EYS: variants seen among roughly 807,000 people sequenced by gnomAD.
EYS encodes the protein protein eyes shut homolog.
In EYS, 250 loss-of-function variants were observed where a neutral mutation model predicts 282.1. The observed-to-expected ratio is 0.89, with a 90% CI of 0.80 to 0.98. The LOEUF (loss-of-function observed/expected upper bound fraction) is 0.98, where lower values mean the gene tolerates loss of function less well. EYS is among the 50% of genes least tolerant of loss of function. EYS has a pLI of 0.00. For missense variants in EYS, 4,016 were observed against 3,709.0 expected (o/e 1.08, Z -2.15); for synonymous variants, 1,355 against 1,282.9 (o/e 1.06, Z -1.20).
At chr6:64,415,878 T>G (rs1774045541) in intron 28 of EYS, among the ~76,000 whole-genome samples, 1 of 152,226 alleles carries the variant, frequency 6.6e-6, no homozygotes, top group Non-Finnish European at 1.5e-5. Context: ...TATAGTAGTA[T>G]TTCTCTTTCT....
At chr6:64,304,418 CACA>C (rs1054624708) in intron 30 of EYS, among the ~76,000 whole-genome samples, 3 of 152,148 alleles carry the variant, frequency 2.0e-5, no homozygotes, top group Non-Finnish European at 4.4e-5. Flanking sequence ...GAGGACTTAA[CACA>C]ACAAACCAAC....
chr6:64,879,777 A>T (rs943307940), intron 19 of EYS, among the ~76,000 whole-genome samples: 1 of 152,112 alleles, frequency 6.6e-6, no homozygotes, highest in East Asian at 1.9e-4. Flanking sequence ...AGGAAAGAGT[A>T]AGAAAACATA....
At chr6:63,912,508 T>C (rs1764281642) in intron 35 of EYS, among the ~76,000 whole-genome samples, 1 of 152,306 alleles carries the variant, frequency 6.6e-6, no homozygotes, top group Non-Finnish European at 1.5e-5. Flanking sequence ...ATGTCCAGTG[T>C]GTATTTTACA....
intron 33 of EYS, among the ~76,000 whole-genome samples, chr6:64,051,836 T>C (rs1770819283): frequency 6.6e-6 from 1 of 152,092 alleles, no homozygotes; most frequent in South Asian, 2.1e-4. Flanking sequence ...TTATATATAA[T>C]AGGAAGTAAA....
chr6:65,073,155 T>C (rs931888693), intron 12 of EYS, among the ~76,000 whole-genome samples: 1 of 151,744 alleles, frequency 6.6e-6, no homozygotes, highest in Non-Finnish European at 1.5e-5. Flanking sequence ...CCTTTGGGCA[T>C]GTAGCAGATA....
At chr6:65,485,961 G>A (rs1194952546) in intron 5 of EYS, among the ~76,000 whole-genome samples, 1 of 152,146 alleles carries the variant, frequency 6.6e-6, no homozygotes, top group Non-Finnish European at 1.5e-5. Flanking sequence ...GACAATATTG[G>A]TAGTGCCATT....
chr6:64,103,257 C>G (rs2150260431), intron 31 of EYS, among the ~76,000 whole-genome samples: 1 of 152,152 alleles, frequency 6.6e-6, no homozygotes, highest in African/African-American at 2.4e-5. Flanking sequence ...ATGTTATAAA[C>G]TAACATGAAT....
intron 30 of EYS, among the ~76,000 whole-genome samples, chr6:64,297,546 A>G (rs1769075810): frequency 6.6e-6 from 1 of 152,252 alleles, no homozygotes; most frequent in Non-Finnish European, 1.5e-5. Context: ...CTTTTCACAT[A>G]CAAGGATCCC....
At chr6:64,525,071 T>C (rs968554939) in intron 26 of EYS, among the ~76,000 whole-genome samples, 1 of 151,808 alleles carries the variant, frequency 6.6e-6, no homozygotes, top group African/African-American at 2.4e-5. Context: ...CATATACTGT[T>C]GGTGGGAGTG....
intron 30 of EYS, among the ~76,000 whole-genome samples, chr6:64,288,653 C>T (rs1178513088): frequency 6.6e-6 from 1 of 152,066 alleles, no homozygotes; most frequent in East Asian, 1.9e-4. Context: ...TTTTCCTTTT[C>T]TCTCTTGTGC....
At position 65,112,776 on chromosome 6, in the gene EYS, AC is replaced by A. The variant is rs1479624869; in HGVS notation, c.2024-55050del. 4.6e-5 allele frequency among the ~76,000 whole-genome samples: 7 copies of A among 152,292 alleles called. No individual in the cohort carries two copies. The East Asian group carries it at 1.3e-3, about 29-fold the overall frequency. On this transcript the variant is annotated intron_variant, in intron 12 of 42. Coordinates refer to ENST00000503581, the MANE Select transcript of EYS (RefSeq NM_001142800.2). ...TACTTTATGAATTTTACAGTATGACACAAAAGCAAGCTCAATGAAGCAGCTA... is the reference window on the plus strand; with the variant it reads ...TACTTTATGAATTTTACAGTATGACAAAAAGCAAGCTCAATGAAGCAGCTA...
chr6:64,981,005 C>T (rs543295357), intron 14 of EYS, among the ~76,000 whole-genome samples: 1 of 151,396 alleles, frequency 6.6e-6, no homozygotes, highest in South Asian at 2.1e-4. Flanking sequence ...ATTTAAGTCG[C>T]TGTAATTCAA....
chr6:63,907,605 A>C (rs367987324), intron 35 of EYS, among the ~76,000 whole-genome samples: 1 of 152,160 alleles, frequency 6.6e-6, no homozygotes, highest in East Asian at 1.9e-4. Context: ...CATAACTTGA[A>C]TATATAAGTA....
intron 12 of EYS, among the ~76,000 whole-genome samples, chr6:65,151,296 A>C (rs921389198): frequency 8.6e-5 from 13 of 152,004 alleles, no homozygotes; most frequent in Non-Finnish European, 1.9e-4. Flanking sequence ...AGGTTATTAG[A>C]GAGGGCTTTT....
intron 26 of EYS, among the ~76,000 whole-genome samples, chr6:64,561,830 T>A (rs1256404489): frequency 6.7e-6 from 1 of 148,814 alleles, no homozygotes; most frequent in African/African-American, 2.5e-5. Context: ...TTGGCTATAG[T>A]ACCCAAAGCA....
At chr6:64,111,365 G>T (rs1309018067) in intron 31 of EYS, among the ~76,000 whole-genome samples, 1 of 152,024 alleles carries the variant, frequency 6.6e-6, no homozygotes, top group African/African-American at 2.4e-5. Context: ...AGGAGAAAAA[G>T]AGGCTATAGG....
chr6:65,442,668 T>G (rs1288842062), intron 5 of EYS, among the ~76,000 whole-genome samples: 1 of 151,658 alleles, frequency 6.6e-6, no homozygotes, highest in Non-Finnish European at 1.5e-5. Context: ...GCAGGAGAAT[T>G]GTTTGAACCC....
At chr6:65,332,281 T>C (rs564771425) in intron 11 of EYS, 1 of 694,734 alleles carries the variant, frequency 1.4e-6, no homozygotes, top group African/African-American at 1.8e-5. Context: ...ATTCTATTGA[T>C]ACATTAAATT....
intron 33 of EYS, among the ~76,000 whole-genome samples, chr6:64,002,278 G>A (rs2149804965): frequency 6.6e-6 from 1 of 152,256 alleles, no homozygotes; most frequent in Middle Eastern, 3.4e-3. Flanking sequence ...GTCTTGCTGA[G>A]AGCCACCTCC....
Sources: gnomAD v4.1 joint callset for allele counts (sites outside exome capture counted in the v4.1 genomes callset) on GRCh38, gnomAD v4.1.1 for gene constraint, MANE v1.5 for transcripts, NCBI Gene and HGNC (gene_info 2026-07-23, HGNC 2026-07-21) for gene names.